The following TMEM67 variants were observed in gnomAD, a reference collection of about 807,000 sequenced individuals.
TMEM67 encodes meckelin.
A neutral mutation model predicts 136.6 loss-of-function variants in TMEM67; 124 were observed. The ratio of observed to expected loss-of-function variants is 0.91; its 90% CI spans 0.78 to 1.05. TMEM67 has a LOEUF of 1.05. Among genes scored for constraint, TMEM67 ranks in the 50% least tolerant of loss-of-function variants. The pLI is 0.00. For missense variants in TMEM67, 1,107 were observed against 1,178.4 expected (o/e 0.94, Z 0.89); for synonymous variants, 364 against 390.5 (o/e 0.93, Z 0.80).
In TMEM67 at chr8:93,783,407, A is replaced by G. The variant is rs1016110170; in HGVS notation, c.1131+947A>G. Among the ~76,000 whole-genome samples the G allele has an allele frequency of 2.6e-5, 4 of 152,222 alleles. No individual in the cohort carries two copies. In the East Asian group the frequency reaches 7.7e-4, roughly 29 times the overall value. On this transcript the variant is annotated intron_variant, in intron 11 of 27. Transcript: ENST00000453321. ...CATTTTGAAATAAAGTAAAAATACT[A>G]CTTTTTTTAAATGACTAATAAAAAG...
At position 93,755,121 on chromosome 8, in the gene TMEM67, G is replaced by C; in HGVS notation, c.207G>C (p.Gln69His). The C allele has an allele frequency of 6.2e-7, 1 of 1,614,124 alleles. No individual in the cohort carries two copies. Among genetic ancestry groups the C allele is most frequent in the Non-Finnish European group, 8.5e-7 (1 of 1,180,016 alleles). ...ALSCVPCGAN[Q>H]RQDARGTSCV... is the part of the protein sequence containing the mutation. ...CGTGTGTTCCTTGTGGAGCTAACCA[G>C]AGGCAAGATGCCCGAGGTAAGACGG... Residue 69 changes from glutamine to histidine, a missense_variant, in exon 1 of 28, where the codon CAG becomes CAC. Transcript: ENST00000453321.
At chr8:93,761,277 C>T (rs1272686661) in intron 3 of TMEM67, among the ~76,000 whole-genome samples, 1 of 152,114 alleles carries the variant, frequency 6.6e-6, no homozygotes, top group African/African-American at 2.4e-5. Context: ...CCAGCCTGGG[C>T]AACAAGAGTG....
intron 26 of TMEM67, among the ~76,000 whole-genome samples, chr8:93,810,890 CTA>C (rs1380631054): frequency 6.6e-6 from 1 of 152,088 alleles, no homozygotes; most frequent in East Asian, 1.9e-4. Flanking sequence ...GTAAAAATCA[CTA>C]TTATTTGTGA....
At chr8:93,789,674 T>A (rs1019933524) in intron 14 of TMEM67, among the ~76,000 whole-genome samples, 20 of 150,166 alleles carry the variant, frequency 1.3e-4, no homozygotes, top group Admixed American at 7.3e-4. Context: ...ATATATATTT[T>A]TTTTTTAATG....
the TMEM67 span, among the ~76,000 whole-genome samples, chr8:93,828,384 TG>T: frequency 6.6e-6 from 1 of 152,198 alleles, no homozygotes; most frequent in African/African-American, 2.4e-5. Flanking sequence ...ATTTACAATG[TG>T]TCTTAAGGAA....
In TMEM67 at chr8:93,765,558, A is replaced by G. The variant is rs1220105404; in HGVS notation, c.577-14A>G. 1.2e-6 allele frequency: 2 copies of G among 1,609,440 alleles called. No homozygotes were observed. Among genetic ancestry groups the G allele is most frequent in the Admixed American group, 3.3e-5 (2 of 59,972 alleles). ...TTCATAAGCTTCTATTTTTTCCCTC[A>G]TTTATTTATGAAGACAGGGGGATTA... On this transcript the variant is annotated splice_polypyrimidine_tract_variant and intron_variant, in intron 5 of 27. Coordinates refer to ENST00000453321, the MANE Select transcript of TMEM67 (RefSeq NM_153704.6).
intron 11 of TMEM67, among the ~76,000 whole-genome samples, chr8:93,783,170 G>C (rs1370839347): frequency 1.3e-5 from 2 of 152,118 alleles, no homozygotes; most frequent in Non-Finnish European, 1.5e-5. Context: ...GTTTTGCATA[G>C]AGATGGGGTT....
At chr8:93,805,860 A>T (rs1341731298) in intron 23 of TMEM67, among the ~76,000 whole-genome samples, 1 of 152,214 alleles carries the variant, frequency 6.6e-6, no homozygotes, top group Non-Finnish European at 1.5e-5. Context: ...GAACTTTATA[A>T]TGAGGGATCA....
At chr8:93,784,375 C>T (rs1466963893) in intron 11 of TMEM67, among the ~76,000 whole-genome samples, 5 of 152,236 alleles carry the variant, frequency 3.3e-5, no homozygotes, top group South Asian at 4.2e-4. Context: ...GAAATTATGC[C>T]GTGTAATTAG....
chr8:93,779,315 C>G (rs1413118796), intron 7 of TMEM67, among the ~76,000 whole-genome samples: 4 of 152,116 alleles, frequency 2.6e-5, no homozygotes, highest in Non-Finnish European at 5.9e-5. Context: ...TCCTTTAGCT[C>G]AGAGAAGTTT....
At chr8:93,832,134 A>G in the TMEM67 span, among the ~76,000 whole-genome samples, 1 of 152,132 alleles carries the variant, frequency 6.6e-6, no homozygotes, top group Non-Finnish European at 1.5e-5. Context: ...TGGAGTCCCC[A>G]GGGTTCCTGT....
chr8:93,768,214 C>A (rs1006547879), intron 6 of TMEM67, among the ~76,000 whole-genome samples: 1 of 151,958 alleles, frequency 6.6e-6, no homozygotes, highest in African/African-American at 2.4e-5. Context: ...TATTTAGAAA[C>A]CAAGATTAAC....
At chr8:93,794,920 G>A (rs1323145914) in intron 16 of TMEM67, 2 of 173,460 alleles carry the variant, frequency 1.2e-5, no homozygotes, top group African/African-American at 4.8e-5. Flanking sequence ...AACGTATGGA[G>A]TGGTTAGTCA....
rs1222420824 is a variant in TMEM67 at position 93,780,671 on chromosome 8, T to A, written c.793T>A (p.Phe265Ile). ...MNMNSYDFAT[F>I]DACGLFQFIF... is the part of the protein sequence containing the mutation. ...CATGAATTCTTACGACTTTGCCACA[T>A]TTGATGCATGTGGACTATTTCAGTT... The change falls in exon 8 of 28, where the codon TTT becomes ATT. Residue 265 changes from phenylalanine (F) to isoleucine (I), a missense_variant. This residue lies in a region of TMEM67 where 925 missense variants were observed against 1,002.4 expected (regional missense o/e 0.92). Coordinates refer to ENST00000453321, the MANE Select transcript of TMEM67 (RefSeq NM_153704.6). 6.2e-7 allele frequency: 1 copy of A among 1,614,120 alleles called. No individual in the cohort carries two copies. The highest frequency in any genetic ancestry group is 8.5e-7 in the Non-Finnish European group (1 of 1,180,028).
the TMEM67 span, among the ~76,000 whole-genome samples, chr8:93,832,271 CTG>C: frequency 5.5e-4 from 84 of 152,328 alleles, no homozygotes; most frequent in Admixed American, 1.1e-3. Flanking sequence ...TTGAAGCACA[CTG>C]TTTTTACTTA....
At chr8:93,831,110 G>A in the TMEM67 span, among the ~76,000 whole-genome samples, 1 of 152,168 alleles carries the variant, frequency 6.6e-6, no homozygotes, top group African/African-American at 2.4e-5. Flanking sequence ...ACGCCACATG[G>A]GGAGCATAGA....
intron 15 of TMEM67, among the ~76,000 whole-genome samples, chr8:93,792,995 T>C (rs922940600): frequency 6.6e-6 from 1 of 151,562 alleles, no homozygotes; most frequent in Non-Finnish European, 1.5e-5. Context: ...ATGGTCTTGA[T>C]CTCCTGACCT....
chr8:93,811,904 C>T (rs1168882435), intron 26 of TMEM67, among the ~76,000 whole-genome samples: 1 of 151,812 alleles, frequency 6.6e-6, no homozygotes, highest in Non-Finnish European at 1.5e-5. Flanking sequence ...AATCCTAGCA[C>T]TTTGGGAGGC....
intron 26 of TMEM67, among the ~76,000 whole-genome samples, chr8:93,810,886 A>G (rs1009416811): frequency 1.3e-5 from 2 of 152,232 alleles, no homozygotes; most frequent in Non-Finnish European, 2.9e-5. Context: ...GTTTGTAAAA[A>G]TCACTATTAT....
Sources: gnomAD v4.1 joint callset for allele counts (sites outside exome capture counted in the v4.1 genomes callset) on GRCh38, gnomAD v4.1.1 for gene constraint, gnomAD v4.1.1 regional missense constraint, MANE v1.5 for transcripts, NCBI Gene and HGNC (gene_info 2026-07-23, HGNC 2026-07-21) for gene names.